The following CACNA2D3 variants were observed in gnomAD, a reference collection of about 807,000 sequenced individuals.
CACNA2D3 encodes the protein voltage-dependent calcium channel subunit alpha-2/delta-3.
CACNA2D3 carries 60 observed loss-of-function variants against 160.6 expected under a neutral mutation model. The ratio of observed to expected loss-of-function variants is 0.37; its 90% CI spans 0.30 to 0.46. The LOEUF is 0.46. Ranked by LOEUF, CACNA2D3 falls within the 20% of genes least tolerant of loss-of-function variation. CACNA2D3 has a pLI of 1.00. For synonymous variants in CACNA2D3, 558 were observed against 492.9 expected (o/e 1.13, Z -1.75); for missense variants, 1,205 against 1,365.0 (o/e 0.88, Z 1.85).
chr3:54,184,069 G>T (rs1478351556), intron 2 of CACNA2D3, among the ~76,000 whole-genome samples: 1 of 152,072 alleles, frequency 6.6e-6, no homozygotes, highest in African/African-American at 2.4e-5. Flanking sequence ...CCCAGGTCAA[G>T]CTTGAAGGCA....
intron 13 of CACNA2D3, among the ~76,000 whole-genome samples, chr3:54,800,986 CTTTT>C (rs541320556): frequency 7.1e-6 from 1 of 140,754 alleles, no homozygotes; most frequent in South Asian, 2.3e-4. Context: ...ACTGGAATAT[CTTTT>C]TTTTTTTTTT....
chr3:54,958,733 C>T (rs925851410), intron 27 of CACNA2D3, among the ~76,000 whole-genome samples: 1 of 152,156 alleles, frequency 6.6e-6, no homozygotes, highest in Non-Finnish European at 1.5e-5. Flanking sequence ...AAGTATGCAA[C>T]AGAGATCACC....
chr3:54,982,273 G>C (rs913768744), intron 29 of CACNA2D3, among the ~76,000 whole-genome samples: 2 of 152,126 alleles, frequency 1.3e-5, no homozygotes, highest in African/African-American at 4.8e-5. Flanking sequence ...CTAAATCCTA[G>C]GAATGACTCT....
chr3:54,303,515 A>G (rs1215963931), intron 2 of CACNA2D3, among the ~76,000 whole-genome samples: 1 of 152,170 alleles, frequency 6.6e-6, no homozygotes, highest in African/African-American at 2.4e-5. Flanking sequence ...CCAGCAGAGT[A>G]TGTTTGCACA....
intron 10 of CACNA2D3, among the ~76,000 whole-genome samples, chr3:54,635,160 T>C (rs957319333): frequency 6.6e-6 from 1 of 151,830 alleles, no homozygotes; most frequent in Non-Finnish European, 1.5e-5. Context: ...ATTTGTTGTA[T>C]AGAATGATTG....
chr3:54,520,808 T>C (rs910534626), intron 5 of CACNA2D3, among the ~76,000 whole-genome samples: 2 of 152,232 alleles, frequency 1.3e-5, no homozygotes, highest in African/African-American at 4.8e-5. Context: ...GAATGATCTT[T>C]CTGTCCCTAT....
At chr3:54,623,048 G>T (rs1426013433) in intron 9 of CACNA2D3, among the ~76,000 whole-genome samples, 5 of 152,194 alleles carry the variant, frequency 3.3e-5, no homozygotes, top group African/African-American at 1.2e-4. Flanking sequence ...CGCAGCCAGG[G>T]TCATTGGTTT....
At chr3:54,213,939 C>G (rs551658967) in intron 2 of CACNA2D3, among the ~76,000 whole-genome samples, 16 of 152,290 alleles carry the variant, frequency 1.1e-4, no homozygotes, top group African/African-American at 3.6e-4. Context: ...GAGAGAGGCC[C>G]AGGAATCAGT....
intron 11 of CACNA2D3, among the ~76,000 whole-genome samples, chr3:54,688,725 G>A (rs559467556): frequency 2.0e-5 from 3 of 150,284 alleles, no homozygotes; most frequent in Non-Finnish European, 3.0e-5. Context: ...TTGTAAGGCC[G>A]GGTGTGGTGG....
At chr3:54,469,669 G>C (rs1011330915) in intron 4 of CACNA2D3, among the ~76,000 whole-genome samples, 1 of 152,044 alleles carries the variant, frequency 6.6e-6, no homozygotes, top group Non-Finnish European at 1.5e-5. Context: ...ATACAAGGAA[G>C]CTAAGACCCT....
In CACNA2D3 at chr3:54,456,195, T is replaced by G. The variant is rs565822994; in HGVS notation, c.382-47297T>G. On this transcript the variant is annotated intron_variant, in intron 4 of 37. Coordinates refer to ENST00000474759, the MANE Select transcript of CACNA2D3 (RefSeq NM_018398.3). ...GGTATATTCATGAGGCTGGGATGTC[T>G]TTCCATTTTTGTGTGTGTGTGTCTT... 8.5e-5 allele frequency among the ~76,000 whole-genome samples: 13 copies of G among 152,234 alleles called. No individual in the cohort carries two copies. The East Asian group carries it at 2.3e-3, about 27-fold the overall frequency.
At chr3:54,314,826 A>T (rs1370371448) in intron 2 of CACNA2D3, among the ~76,000 whole-genome samples, 1 of 152,204 alleles carries the variant, frequency 6.6e-6, no homozygotes, top group Non-Finnish European at 1.5e-5. Flanking sequence ...GAACAAACAA[A>T]TGGAGTGCTG....
chr3:54,250,905 T>C (rs774035003), intron 2 of CACNA2D3, among the ~76,000 whole-genome samples: 2 of 150,968 alleles, frequency 1.3e-5, no homozygotes, highest in Non-Finnish European at 2.9e-5. Flanking sequence ...GGGTAGTGAG[T>C]TGGTTTGAGT....
intron 2 of CACNA2D3, among the ~76,000 whole-genome samples, chr3:54,268,483 C>A (rs746484987): frequency 6.6e-5 from 10 of 152,166 alleles, no homozygotes; most frequent in Non-Finnish European, 1.5e-4. Flanking sequence ...AATGTTGGCT[C>A]ACTGCAACCT....
chr3:54,992,564 T>G (rs1292985821), intron 31 of CACNA2D3, among the ~76,000 whole-genome samples: 5 of 152,068 alleles, frequency 3.3e-5, no homozygotes, highest in Non-Finnish European at 7.4e-5. Flanking sequence ...CTCTGTTCTT[T>G]CTCCTCTTTT....
intron 13 of CACNA2D3, among the ~76,000 whole-genome samples, chr3:54,800,575 T>G (rs1702962274): frequency 6.6e-6 from 1 of 152,144 alleles, no homozygotes; most frequent in South Asian, 2.1e-4. Context: ...ATGAGCAAAA[T>G]GTGGGGGGCC....
chr3:54,288,971 T>G (rs965461210), intron 2 of CACNA2D3, among the ~76,000 whole-genome samples: 3 of 152,106 alleles, frequency 2.0e-5, no homozygotes, highest in African/African-American at 7.2e-5. Context: ...TCATACTGAA[T>G]GGGCAAAAAC....
chr3:54,152,413 G>A (rs777382210), intron 2 of CACNA2D3, among the ~76,000 whole-genome samples: 2 of 152,188 alleles, frequency 1.3e-5, no homozygotes, highest in Admixed American at 6.5e-5. Context: ...ATCCATGAGC[G>A]ACTTTGTCTT....
At chr3:54,349,934 A>AT (rs1698524058) in intron 3 of CACNA2D3, among the ~76,000 whole-genome samples, 2 of 152,154 alleles carry the variant, frequency 1.3e-5, no homozygotes, top group Admixed American at 1.3e-4. Context: ...TCTTTAACAC[A>AT]TTCCTTGGAC....
Sources: gnomAD v4.1 joint callset for allele counts (sites outside exome capture counted in the v4.1 genomes callset) on GRCh38, gnomAD v4.1.1 for gene constraint, MANE v1.5 for transcripts, NCBI Gene and HGNC (gene_info 2026-07-23, HGNC 2026-07-21) for gene names.